KDM4C: variants seen among roughly 807,000 people sequenced by gnomAD.
KDM4C encodes lysine-specific demethylase 4C.
A neutral mutation model predicts 129.3 loss-of-function variants in KDM4C; 81 were observed. The ratio of observed to expected loss-of-function variants is 0.63; its 90% CI spans 0.52 to 0.75. KDM4C has a LOEUF of 0.75. Among genes scored for constraint, KDM4C ranks in the 30% least tolerant of loss-of-function variants. KDM4C has a pLI of 0.00. For synonymous variants in KDM4C, 573 were observed against 456.1 expected (o/e 1.26, Z -3.26); for missense variants, 1,457 against 1,304.0 (o/e 1.12, Z -1.81).
rs1241530126 is a variant in KDM4C, at chr9:6,995,344, C to T, written c.1786+4820C>T. The stretch of plus-strand genomic sequence containing the variant: ...ACCTGTATGGACACACACAGACACA[C>T]AGGCACAGACACACACACACACACA... On this transcript the variant is annotated intron_variant, in intron 12 of 21. Coordinates refer to ENST00000381309, the MANE Select transcript of KDM4C (RefSeq NM_015061.6). Among the ~76,000 whole-genome samples the T allele has an allele frequency of 6.6e-5, 10 of 152,024 alleles. No homozygotes were observed. The East Asian group carries it at 1.7e-3, about 26-fold the overall frequency.
chr9:7,169,388 T>G (rs1453501556), intron 20 of KDM4C, among the ~76,000 whole-genome samples: 2 of 152,220 alleles, frequency 1.3e-5, no homozygotes, highest in African/African-American at 2.4e-5. Context: ...CAGGCTGGAG[T>G]GCAGTGGTGC....
intron 20 of KDM4C, among the ~76,000 whole-genome samples, chr9:7,167,718 T>G (rs543371736): frequency 6.6e-6 from 1 of 152,338 alleles, no homozygotes; most frequent in African/African-American, 2.4e-5. Flanking sequence ...TGGATGTTCA[T>G]CAACCAGAAT....
At chr9:7,145,726 C>T (rs1002540484) in intron 19 of KDM4C, among the ~76,000 whole-genome samples, 5 of 152,254 alleles carry the variant, frequency 3.3e-5, no homozygotes, top group Non-Finnish European at 7.3e-5. Flanking sequence ...TAGAGCAAAA[C>T]TGAATAAACA....
At chr9:7,084,052 GT>G (rs1834843446) in intron 17 of KDM4C, among the ~76,000 whole-genome samples, 1 of 152,136 alleles carries the variant, frequency 6.6e-6, no homozygotes, top group Admixed American at 6.5e-5. Context: ...GTAACCTAGT[GT>G]TTGCTGTCTT....
chr9:6,845,857 G>A lies in KDM4C; in HGVS notation c.436-3650G>A, dbSNP rs116104067. On this transcript the variant is annotated intron_variant, in intron 4 of 21. Transcript: ENST00000381309. ...TGTTCGAGGGAGACAGAATCCAGGA[G>A]GAGACTTTTGTCTGTGAACTTGGGC... is the stretch of plus-strand genomic sequence containing the variant. 7.9e-3 allele frequency among the ~76,000 whole-genome samples: 1,196 copies of A among 152,324 alleles called. 23 individuals are homozygous for A. Among genetic ancestry groups the A allele is most frequent in the African/African-American group, 0.028 (1,146 of 41,570 alleles).
At chr9:6,751,605 G>A (rs1818065448) in intron 1 of KDM4C, among the ~76,000 whole-genome samples, 1 of 152,112 alleles carries the variant, frequency 6.6e-6, no homozygotes, top group African/African-American at 2.4e-5. Context: ...ATATGACAAG[G>A]ACCCAAACTA....
chr9:6,867,713 C>A (rs1842257964), intron 5 of KDM4C, among the ~76,000 whole-genome samples: 1 of 152,328 alleles, frequency 6.6e-6, no homozygotes, highest in East Asian at 1.9e-4. Context: ...ACTGAGCACA[C>A]ACCTGTGTCA....
chr9:6,958,728 A>C (rs1257709627), intron 8 of KDM4C, among the ~76,000 whole-genome samples: 4 of 137,824 alleles, frequency 2.9e-5, no homozygotes, highest in African/African-American at 5.7e-5. Flanking sequence ...TCTGTTACCC[A>C]GGCTAGAGTG....
In KDM4C at chr9:6,973,680, C is replaced by A. The variant is rs1255742030; in HGVS notation, c.922-7245C>A. The A allele has an allele frequency of 2.0e-5, 3 of 152,238 alleles. No individual in the cohort carries two copies. In the East Asian group the frequency reaches 5.8e-4, roughly 29 times the overall value. The allele number at this position is 152,238 out of a possible 1,614,324, so 9.4% of individuals were successfully genotyped here. A position where few individuals can be genotyped will look rare whatever the true frequency, so the allele number is the denominator to read the frequency against. On this transcript the variant is annotated intron_variant, in intron 8 of 21. Transcript: ENST00000381309. ...TGATATACTATTTAGAGCTTCTATT[C>A]TGGGAATTTTATTATGCATGCATAG...
chr9:7,005,026 A>G (rs1288110253), intron 12 of KDM4C, among the ~76,000 whole-genome samples: 3 of 152,172 alleles, frequency 2.0e-5, no homozygotes, highest in Non-Finnish European at 4.4e-5. Context: ...ACATTTATTC[A>G]GTAAAGATTA....
At chr9:6,824,298 G>C (rs959392000) in intron 4 of KDM4C, among the ~76,000 whole-genome samples, 4 of 152,188 alleles carry the variant, frequency 2.6e-5, no homozygotes, top group Admixed American at 2.0e-4. Context: ...CCAGTCTCTA[G>C]CATAGGGTCT....
intron 8 of KDM4C, among the ~76,000 whole-genome samples, chr9:6,912,218 A>G (rs953096857): frequency 2.6e-5 from 4 of 152,052 alleles, no homozygotes; most frequent in African/African-American, 9.7e-5. Context: ...GCTTCTCTGC[A>G]TTCTCCTTTA....
At chr9:7,084,060 T>C (rs760609811) in intron 17 of KDM4C, among the ~76,000 whole-genome samples, 3 of 152,304 alleles carry the variant, frequency 2.0e-5, no homozygotes, top group African/African-American at 7.2e-5. Flanking sequence ...GTGTTTGCTG[T>C]CTTAGAACAT....
At chr9:7,040,549 T>C (rs1828419362) in intron 15 of KDM4C, among the ~76,000 whole-genome samples, 1 of 152,070 alleles carries the variant, frequency 6.6e-6, no homozygotes, top group South Asian at 2.1e-4. Context: ...AAGAACTTTA[T>C]TTTGGCATTT....
At chr9:6,939,972 ACCTACCTTCCTT>A (rs1252959330) in intron 8 of KDM4C, among the ~76,000 whole-genome samples, 9 of 106,550 alleles carry the variant, frequency 8.4e-5, no homozygotes, top group African/African-American at 3.1e-4. Flanking sequence ...CTACCTACCT[ACCTACCTTCCTT>A]CCTTCCTTCC....
intron 1 of KDM4C, among the ~76,000 whole-genome samples, chr9:6,792,550 G>A (rs1826875969): frequency 6.6e-6 from 1 of 151,636 alleles, no homozygotes; most frequent in Non-Finnish European, 1.5e-5. Context: ...CACCACACCC[G>A]GCTAAGTTTT....
intron 17 of KDM4C, among the ~76,000 whole-genome samples, chr9:7,081,222 C>G (rs1834488573): frequency 6.6e-6 from 1 of 152,150 alleles, no homozygotes; most frequent in African/African-American, 2.4e-5. Flanking sequence ...CCCTGAATCT[C>G]TTTTATGTGC....
chr9:6,804,629 G>T (rs1465204412), intron 2 of KDM4C, among the ~76,000 whole-genome samples: 1 of 151,670 alleles, frequency 6.6e-6, no homozygotes, highest in Non-Finnish European at 1.5e-5. Flanking sequence ...GTGGTGGCAG[G>T]CGCCTGTAAT....
intron 9 of KDM4C, chr9:6,982,339 T>G (rs968175335): frequency 6.6e-6 from 1 of 152,146 alleles, no homozygotes; most frequent in Non-Finnish European, 1.5e-5. Context: ...CAGAACTAAC[T>G]CAGGTGTTGA....
Sources: allele counts gnomAD v4.1 joint callset (sites outside exome capture counted in the v4.1 genomes callset), GRCh38; gene constraint gnomAD v4.1.1; transcripts MANE v1.5; gene names NCBI Gene and HGNC (gene_info 2026-07-23, HGNC 2026-07-21).